ENTREP2: variants seen among roughly 807,000 people sequenced by gnomAD.
ENTREP2 encodes protein ENTREP2.
the ENTREP2 span, among the ~76,000 whole-genome samples, chr15:29,421,894 G>A: frequency 0.19 from 29,344 of 152,074 alleles, 3,486 homozygotes; most frequent in Middle Eastern, 0.37. Flanking sequence ...CATGAGTAAC[G>A]GACTCTAAGT....
At chr15:29,503,025 C>G in the ENTREP2 span, among the ~76,000 whole-genome samples, 1 of 152,024 alleles carries the variant, frequency 6.6e-6, no homozygotes, top group Admixed American at 6.6e-5. Flanking sequence ...TAAAATGTTG[C>G]AGCTGCTTTG....
the ENTREP2 span, among the ~76,000 whole-genome samples, chr15:29,417,991 A>C: frequency 6.6e-6 from 1 of 152,224 alleles, no homozygotes. Context: ...CATATTAACA[A>C]CTGTAAGAAT....
At chr15:29,140,047 C>A in the ENTREP2 span, among the ~76,000 whole-genome samples, 6 of 152,192 alleles carry the variant, frequency 3.9e-5, no homozygotes, top group Non-Finnish European at 5.9e-5. Context: ...GGGTTTCCTG[C>A]GCCTTCCCAC....
the ENTREP2 span, among the ~76,000 whole-genome samples, chr15:29,345,393 G>A: frequency 6.6e-6 from 1 of 151,998 alleles, no homozygotes; most frequent in Non-Finnish European, 1.5e-5. Context: ...CAGAGCACAA[G>A]CACAGCCCTG....
At chr15:29,120,346 G>T in the ENTREP2 span, 1 of 152,242 alleles carries the variant, frequency 6.6e-6, no homozygotes, top group African/African-American at 2.4e-5. Context: ...GTACAGACAG[G>T]TCTCTGGTGG....
chr15:29,140,952 C>T, the ENTREP2 span, among the ~76,000 whole-genome samples: 1 of 152,192 alleles, frequency 6.6e-6, no homozygotes, highest in East Asian at 1.9e-4. Context: ...ATCACTAGTG[C>T]CCAGGGCTGT....
the ENTREP2 span, among the ~76,000 whole-genome samples, chr15:29,447,039 A>T: frequency 6.6e-6 from 1 of 152,122 alleles, no homozygotes; most frequent in Non-Finnish European, 1.5e-5. Context: ...CACATAACCT[A>T]ACATGTTCCA....
At chr15:29,412,152 G>GA in the ENTREP2 span, among the ~76,000 whole-genome samples, 446 of 145,688 alleles carry the variant, frequency 3.1e-3, 1 homozygote, top group African/African-American at 0.01. Flanking sequence ...ATCTGATTTG[G>GA]AAAAAAAAAA....
the ENTREP2 span, among the ~76,000 whole-genome samples, chr15:29,385,107 T>C: frequency 1.3e-5 from 2 of 152,196 alleles, no homozygotes; most frequent in African/African-American, 2.4e-5. Flanking sequence ...TGCAGGCATC[T>C]TTAATAAACT....
the ENTREP2 span, among the ~76,000 whole-genome samples, chr15:29,184,400 G>A: frequency 6.6e-5 from 10 of 152,172 alleles, no homozygotes; most frequent in African/African-American, 2.2e-4. Flanking sequence ...CCCATTGGCT[G>A]TCCCCTGCTC....
At chr15:29,621,516 C>CT in the ENTREP2 span, among the ~76,000 whole-genome samples, 1 of 84,022 alleles carries the variant, frequency 1.2e-5, no homozygotes. Flanking sequence ...GAGTGAGACT[C>CT]TGTCTCAAAA....
the ENTREP2 span, among the ~76,000 whole-genome samples, chr15:29,487,500 C>G: frequency 6.6e-6 from 1 of 152,220 alleles, no homozygotes; most frequent in Admixed American, 6.5e-5. Context: ...GTTTTGGCAT[C>G]TGGTGCTCAA....
chr15:29,380,131 C>T, the ENTREP2 span, among the ~76,000 whole-genome samples: 1 of 152,102 alleles, frequency 6.6e-6, no homozygotes, highest in African/African-American at 2.4e-5. Context: ...CTGTTGAAGC[C>T]AGAAGAGGAG....
chr15:29,506,002 C>T, the ENTREP2 span, among the ~76,000 whole-genome samples: 1 of 152,002 alleles, frequency 6.6e-6, no homozygotes, highest in African/African-American at 2.4e-5. Context: ...TGCAAGGACG[C>T]TAAGAGCCTT....
the ENTREP2 span, among the ~76,000 whole-genome samples, chr15:29,218,443 T>G: frequency 6.6e-6 from 1 of 152,204 alleles, no homozygotes. Context: ...ACCACCATTC[T>G]TCATAGGATT....
At chr15:29,223,803 C>T in the ENTREP2 span, among the ~76,000 whole-genome samples, 1 of 152,124 alleles carries the variant, frequency 6.6e-6, no homozygotes, top group Non-Finnish European at 1.5e-5. Flanking sequence ...AACAGGAAGG[C>T]CTCATCCTTC....
chr15:29,223,306 C>A, the ENTREP2 span, among the ~76,000 whole-genome samples: 3 of 152,170 alleles, frequency 2.0e-5, no homozygotes, highest in African/African-American at 7.2e-5. Context: ...CCAGACAAGT[C>A]CTCCTGGTTC....
chr15:29,535,819 C>T, the ENTREP2 span, among the ~76,000 whole-genome samples: 1 of 150,690 alleles, frequency 6.6e-6, no homozygotes, highest in Admixed American at 6.6e-5. Context: ...TCACCAGAAC[C>T]CCAAATATTC....
chr15:29,665,363 C>A, the ENTREP2 span, among the ~76,000 whole-genome samples: 2 of 152,370 alleles, frequency 1.3e-5, no homozygotes, highest in African/African-American at 4.8e-5. Flanking sequence ...TCTTGCTCAA[C>A]TCTTCTGGTG....
Sources: allele counts gnomAD v4.1 joint callset (sites outside exome capture counted in the v4.1 genomes callset), GRCh38; gene constraint gnomAD v4.1.1; transcripts MANE v1.5; gene names NCBI Gene and HGNC (gene_info 2026-07-23, HGNC 2026-07-21).